The following ACSBG2 variants were observed in gnomAD, a reference collection of about 807,000 sequenced individuals.
ACSBG2 encodes acyl-CoA synthetase bubblegum family member 2, also known as long-chain-fatty-acid--CoA ligase ACSBG2.
In ACSBG2, 62 loss-of-function variants were observed where a neutral mutation model predicts 74.7. The observed-to-expected ratio is 0.83, with a 90% confidence interval of 0.68 to 1.03. The LOEUF (loss-of-function observed/expected upper bound fraction) is 1.03, where lower values mean the gene tolerates loss of function less well. Among genes scored for constraint, ACSBG2 ranks in the 50% least tolerant of loss-of-function variants. ACSBG2 has a pLI of 0.00. For missense variants in ACSBG2, 730 were observed against 817.6 expected (o/e 0.89, Z 1.31); for synonymous variants, 309 against 294.1 (o/e 1.05, Z -0.52).
intron 7 of ACSBG2, among the ~76,000 whole-genome samples, chr19:6,172,115 G>A (rs903073053): frequency 2.0e-5 from 3 of 151,692 alleles, no homozygotes; most frequent in African/African-American, 7.3e-5. Context: ...TCCTTATATT[G>A]GTTTCCAACT....
chr19:6,192,109 T>G (rs1480695845), intron 14 of ACSBG2: 2 of 133,984 alleles, frequency 1.5e-5, no homozygotes, highest in African/African-American at 6.2e-5. Flanking sequence ...GAATATACAA[T>G]ATCTCATCAG....
intron 7 of ACSBG2, among the ~76,000 whole-genome samples, chr19:6,166,838 C>T (rs1294747571): frequency 6.6e-6 from 1 of 152,074 alleles, no homozygotes; most frequent in Non-Finnish European, 1.5e-5. Context: ...GGAGTTTCAC[C>T]ACGTTGACCA....
chr19:6,142,039 AT>A (rs2088863028), intron 2 of ACSBG2, among the ~76,000 whole-genome samples: 1 of 152,010 alleles, frequency 6.6e-6, no homozygotes, highest in South Asian at 2.1e-4. Flanking sequence ...CCTAGGGCCT[AT>A]TTTCTATTCT....
At chr19:6,163,839 C>T (rs979756993) in intron 6 of ACSBG2, among the ~76,000 whole-genome samples, 1 of 147,102 alleles carries the variant, frequency 6.8e-6, no homozygotes, top group Admixed American at 6.8e-5. Flanking sequence ...CCAAGCTACT[C>T]GGGAGGCTAA....
chr19:6,190,660 G>C lies in ACSBG2; in HGVS notation c.*3G>C, dbSNP rs1303060600. 1.9e-6 allele frequency: 3 copies of C among 1,613,712 alleles called. No homozygotes were observed. In the Admixed American group the frequency reaches 5.0e-5, roughly 27 times the overall value. On this transcript the variant is annotated 3_prime_UTR_variant, in exon 14 of 15. Coordinates refer to ENST00000588485, the MANE Select transcript of ACSBG2 (RefSeq NM_030924.5). ...AAATTGATCACATGTACCACTGACT[G>C]CTTTGATGGAGCTGCTCTCAGCTGT... is the stretch of plus-strand genomic sequence containing the variant.
In ACSBG2 at chr19:6,177,863, C is replaced by G. The variant is rs557282188; in HGVS notation, c.906+467C>G. ...ACCCAAGACAAAGATGTACTTGGTA[C>G]TGAAAGTAAAGAGTGTGTGTGTGTG... On this transcript the variant is annotated intron_variant, in intron 8 of 14. Coordinates refer to ENST00000588485, the MANE Select transcript of ACSBG2 (RefSeq NM_030924.5). Among the ~76,000 whole-genome samples the G allele has an allele frequency of 2.6e-4, 37 of 144,058 alleles. 2 individuals carry two copies. In the South Asian group the frequency reaches 8.5e-3, roughly 33 times the overall value. 94.5% of individuals were successfully genotyped at this position (144,058 alleles called of 152,430 possible).
chr19:6,170,410 T>G (rs529874071), intron 7 of ACSBG2, among the ~76,000 whole-genome samples: 2 of 152,320 alleles, frequency 1.3e-5, no homozygotes, highest in Non-Finnish European at 2.9e-5. Flanking sequence ...TGAACCATCC[T>G]TGCATCCCAG....
intron 1 of ACSBG2, among the ~76,000 whole-genome samples, chr19:6,141,246 C>T (rs2088818604): frequency 1.3e-5 from 2 of 152,142 alleles, no homozygotes; most frequent in African/African-American, 4.8e-5. Flanking sequence ...TATTTTCTCA[C>T]CCACAGAATT....
At chr19:6,151,914 C>A in intron 4 of ACSBG2, 119 bp downstream of exon 4, 1 of 853,926 alleles carries the variant, frequency 1.2e-6, no homozygotes, top group Non-Finnish European at 1.9e-6. Flanking sequence ...CCCTAGTTAG[C>A]AGGCAGGATA....
rs371649885 is a variant in ACSBG2 at position 6,163,263 on chromosome 19, C to T, written c.588+1968C>T. Among the ~76,000 whole-genome samples the T allele has an allele frequency of 1.3e-3, 67 of 53,036 alleles. 1 individual carries two copies. The highest frequency in any genetic ancestry group is 2.2e-3 in the East Asian group (3 of 1,370). 34.8% of individuals were successfully genotyped at this position (53,036 alleles called of 152,430 possible). On this transcript the variant is annotated intron_variant, in intron 6 of 14. Transcript: ENST00000588485. ...AGGAGGTACAGACCATCCTGGCCAA[C>T]ATGGTGAAACCCCGTCTCTACTAAA...
chr19:6,140,141 C>T (rs934056348), intron 1 of ACSBG2, among the ~76,000 whole-genome samples: 1 of 150,408 alleles, frequency 6.6e-6, no homozygotes, highest in African/African-American at 2.4e-5. Flanking sequence ...AGGAGAATGG[C>T]GTGAACCCAG....
Position 6,141,528 on chromosome 19 carries a change from T to G in ACSBG2, c.-16T>G. ...TGCTTTGCAGTGCTGTGGAGCATGG[T>G]TTCTGCACACCTGGAATGACTGGAA... On this transcript the variant is annotated 5_prime_UTR_variant, in exon 2 of 15. Coordinates refer to ENST00000588485, the MANE Select transcript of ACSBG2 (RefSeq NM_030924.5). The G allele has an allele frequency of 6.3e-7, 1 of 1,597,392 alleles. No homozygotes were observed. The highest frequency in any genetic ancestry group is 1.3e-5 in the African/African-American group (1 of 74,694).
intron 8 of ACSBG2, among the ~76,000 whole-genome samples, chr19:6,178,373 C>CATTATTATTATTATTATT (rs112104021): frequency 4.0e-5 from 6 of 150,910 alleles, no homozygotes; most frequent in African/African-American, 1.5e-4. Flanking sequence ...ATATTCATTG[C>CATTATTATTATTATTATT]ATTATTATTA....
intron 8 of ACSBG2, among the ~76,000 whole-genome samples, chr19:6,177,875 AGTGTGTGTGTGTGT>A (rs3036311): frequency 1.1e-4 from 16 of 143,412 alleles, no homozygotes; most frequent in South Asian, 2.3e-4. Context: ...GAAAGTAAAG[AGTGTGTGTGTGTGT>A]GTGTGTGTGT....
chr19:6,175,191 A>G (rs1162708548), intron 7 of ACSBG2: 1 of 152,254 alleles, frequency 6.6e-6, no homozygotes, highest in Non-Finnish European at 1.5e-5. Flanking sequence ...TCCTGAGCCC[A>G]GGGAAAGAAG....
In ACSBG2 at chr19:6,166,280, T is replaced by TGTGTGTTTGTGTGTGTGTGTGTG. The variant is rs2089799967; in HGVS notation, c.738+265_738+266insGTGTGTTTGTGTGTGTGTGTGTG. 8.9e-4 allele frequency among the ~76,000 whole-genome samples: 106 copies of TGTGTGTTTGTGTGTGTGTGTGTG among 119,146 alleles called. 1 individual carries two copies. The highest frequency in any genetic ancestry group is 3.8e-3 in the African/African-American group (100 of 26,574). The allele number at this position is 119,146 out of a possible 152,430, so 78.2% of individuals were successfully genotyped here. A position where few individuals can be genotyped will look rare whatever the true frequency, so the allele number is the denominator to read the frequency against. The stretch of plus-strand genomic sequence containing the variant: ...GATTCCTCTGTGTGAGTCAGGAAGG[T>TGTGTGTTTGTGTGTGTGTGTGTG]TGTGTGTGTGTGTGTGTGTGTGTGT... On this transcript the variant is annotated intron_variant, in intron 7 of 14. Transcript: ENST00000588485.
chr19:6,150,952 A>G (rs1463622888), intron 3 of ACSBG2, among the ~76,000 whole-genome samples: 6 of 151,780 alleles, frequency 4.0e-5, no homozygotes, highest in Non-Finnish European at 8.8e-5. Context: ...TGACTCTACT[A>G]AAAAAACAAA....
intron 4 of ACSBG2, among the ~76,000 whole-genome samples, chr19:6,152,835 G>A (rs1341194385): frequency 5.9e-5 from 9 of 152,000 alleles, no homozygotes; most frequent in East Asian, 3.9e-4. Context: ...TGGGATTCTC[G>A]GTAATATTTT....
intron 6 of ACSBG2, 118 bp from the exon 7 acceptor site, chr19:6,165,748 C>T (rs2089773309): frequency 7.7e-7 from 1 of 1,290,920 alleles, no homozygotes; most frequent in Non-Finnish European, 1.1e-6. Flanking sequence ...CTGGCACATC[C>T]TAAGCCCTTC....
Sources: gnomAD v4.1 joint callset for allele counts (sites outside exome capture counted in the v4.1 genomes callset) on GRCh38, gnomAD v4.1.1 for gene constraint, MANE v1.5 for transcripts, NCBI Gene and HGNC (gene_info 2026-07-23, HGNC 2026-07-21) for gene names.